The following SHISA6 variants were observed in gnomAD, a reference collection of about 807,000 sequenced individuals.
The protein encoded by SHISA6 is shisa family member 6.
SHISA6 carries 22 observed loss-of-function variants against 47.9 expected under a neutral mutation model. The observed-to-expected ratio is 0.46, with a 90% CI of 0.33 to 0.66. The LOEUF (loss-of-function observed/expected upper bound fraction) is 0.66, where lower values mean the gene tolerates loss of function less well. SHISA6 is among the 30% of genes least tolerant of loss of function. The pLI is 0.02. For synonymous variants in SHISA6, 388 were observed against 337.8 expected, an observed-to-expected ratio of 1.15 and a Z score of -1.63; for missense variants, 680 against 764.6, an observed-to-expected ratio of 0.89 and a Z score of 1.30.
intron 2 of SHISA6, among the ~76,000 whole-genome samples, chr17:11,342,669 C>T (rs1170737652): frequency 1.3e-5 from 2 of 152,208 alleles, no homozygotes; most frequent in East Asian, 3.8e-4. Flanking sequence ...CCAACCCCTC[C>T]TTTTGCATAG....
In SHISA6 at chr17:11,562,206, G is replaced by A. The variant is rs117830252; in HGVS notation, c.*3902G>A. The A allele has an allele frequency of 0.016, 2,391 of 152,052 alleles. 31 individuals carry two copies. Among genetic ancestry groups the A allele is most frequent in the Non-Finnish European group, 0.023 (1,596 of 68,030 alleles). 9.4% of individuals were successfully genotyped at this position (152,052 alleles called of 1,614,324 possible). ...GAGGAATATCCATGCCAACATCCCT[G>A]CCATCAAACTCAATCCATTTTCTTC... On this transcript the variant is annotated 3_prime_UTR_variant, in exon 6 of 6. Coordinates refer to ENST00000441885, the MANE Select transcript of SHISA6 (RefSeq NM_207386.4).
intron 2 of SHISA6, among the ~76,000 whole-genome samples, chr17:11,361,254 T>C (rs1191669589): frequency 6.6e-6 from 1 of 152,208 alleles, no homozygotes; most frequent in Non-Finnish European, 1.5e-5. Flanking sequence ...ATACATTGTT[T>C]TCATTAGACT....
intron 3 of SHISA6, among the ~76,000 whole-genome samples, chr17:11,490,210 C>T (rs1049704815): frequency 1.3e-5 from 2 of 152,092 alleles, no homozygotes; most frequent in East Asian, 1.9e-4. Context: ...CTTGTAGATG[C>T]ATAGCGTGGG....
At chr17:11,296,515 A>G (rs1052022539) in intron 2 of SHISA6, among the ~76,000 whole-genome samples, 2 of 152,178 alleles carry the variant, frequency 1.3e-5, no homozygotes, top group Admixed American at 6.5e-5. Flanking sequence ...GTGCCATTTA[A>G]TGGAATAGAA....
At chr17:11,544,961 C>CAA (rs374571214) in intron 3 of SHISA6, among the ~76,000 whole-genome samples, 1,245 of 62,518 alleles carry the variant, frequency 0.02, 26 homozygotes, top group African/African-American at 0.063. Flanking sequence ...ACTCTCTCTC[C>CAA]AAAAAAAAAA....
At chr17:11,541,747 C>T (rs2071835767) in intron 3 of SHISA6, among the ~76,000 whole-genome samples, 1 of 152,114 alleles carries the variant, frequency 6.6e-6, no homozygotes, top group South Asian at 2.1e-4. Context: ...TGCCTTTAAG[C>T]TACCCAGGGA....
intron 3 of SHISA6, among the ~76,000 whole-genome samples, chr17:11,464,587 TCA>T (rs1347386262): frequency 6.6e-6 from 1 of 152,144 alleles, no homozygotes; most frequent in East Asian, 1.9e-4. Context: ...CCAAGCAAGC[TCA>T]GAGTTCCACG....
Position 11,423,328 on chromosome 17 carries a change from TAGATAGATAGATAG to T in SHISA6, c.895+43821_895+43834del, listed in dbSNP as rs1408476405. On this transcript the variant is annotated intron_variant, in intron 3 of 5. Coordinates refer to ENST00000441885, the MANE Select transcript of SHISA6 (RefSeq NM_207386.4). ...TCTATATATGCCTGTAACATATATA[TAGATAGATAGATAG>T]ATAGATAGATAGATAGATAGATAGA... Among the ~76,000 whole-genome samples, 74 of 21,916 alleles carry T rather than the reference TAGATAGATAGATAG, an allele frequency of 3.4e-3. No individual in the cohort carries two copies. The East Asian group carries it at 0.074, about 22-fold the overall frequency. The allele number at this position is 21,916 out of a possible 152,430, so 14.4% of individuals were successfully genotyped here.
chr17:11,473,951 C>A lies in SHISA6; in HGVS notation c.896-77945C>A, dbSNP rs1597537046. Reference sequence around the variant, plus strand: ...AGGCCCCAGTGTGTGTTGTCCCCCTCCCTTTGTCCATATGTTCTCATTGTT... The same window carrying A: ...AGGCCCCAGTGTGTGTTGTCCCCCTACCTTTGTCCATATGTTCTCATTGTT... On this transcript the variant is annotated intron_variant, in intron 3 of 5. Transcript: ENST00000441885. Among the ~76,000 whole-genome samples, 8 of 152,080 alleles carry A rather than the reference C, an allele frequency of 5.3e-5. No individual in the cohort carries two copies. In the Middle Eastern group the frequency reaches 0.014, roughly 259 times the overall value.
intron 3 of SHISA6, among the ~76,000 whole-genome samples, chr17:11,508,102 G>A (rs1567624750): frequency 6.6e-6 from 1 of 152,208 alleles, no homozygotes; most frequent in Non-Finnish European, 1.5e-5. Context: ...GGTTTTGGAG[G>A]CAGCAAGCTT....
At chr17:11,552,587 A>G (rs751546425) in intron 4 of SHISA6, among the ~76,000 whole-genome samples, 1 of 152,206 alleles carries the variant, frequency 6.6e-6, no homozygotes, top group Non-Finnish European at 1.5e-5. Context: ...TAAATTGCGA[A>G]TTATCAGTCA....
rs147640658 is a variant in SHISA6, at chr17:11,530,087, C to A, written c.896-21809C>A. Among the ~76,000 whole-genome samples the A allele has an allele frequency of 2.7e-3, 413 of 152,222 alleles. 1 individual carries two copies. Among genetic ancestry groups the A allele is most frequent in the Non-Finnish European group, 4.6e-3 (315 of 68,004 alleles). On this transcript the variant is annotated intron_variant, in intron 3 of 5. Coordinates refer to ENST00000441885, the MANE Select transcript of SHISA6 (RefSeq NM_207386.4). ...AGTACTGTCAATCGGAATCAGAATT[C>A]TAATTCAGCACATTTCTGACACCTT... is the stretch of plus-strand genomic sequence containing the variant.
intron 2 of SHISA6, among the ~76,000 whole-genome samples, chr17:11,300,612 G>C (rs867820945): frequency 6.6e-6 from 1 of 151,654 alleles, no homozygotes; most frequent in Non-Finnish European, 1.5e-5. Context: ...GCAAGCCTGT[G>C]TGCCCTTCTT....
At chr17:11,515,611 TG>T (rs967818359) in intron 3 of SHISA6, among the ~76,000 whole-genome samples, 20 of 152,106 alleles carry the variant, frequency 1.3e-4, no homozygotes, top group African/African-American at 4.6e-4. Context: ...CGAAGAGCTC[TG>T]GGGCACAGAG....
In SHISA6 at chr17:11,254,559, C is replaced by T. The variant is rs138349345; in HGVS notation, c.639-8807C>T. Among the ~76,000 whole-genome samples the T allele has an allele frequency of 1.5e-4, 23 of 152,312 alleles. No individual in the cohort carries two copies. In the East Asian group the frequency reaches 3.9e-3, roughly 26 times the overall value. ...GCATTTTAGTGACTCTCTCTTTTGGCACCACCTGCCCCTCCTCTCATGCAC... is the reference window on the plus strand; with the variant it reads ...GCATTTTAGTGACTCTCTCTTTTGGTACCACCTGCCCCTCCTCTCATGCAC... On this transcript the variant is annotated intron_variant, in intron 1 of 5. Transcript: ENST00000441885.
intron 2 of SHISA6, among the ~76,000 whole-genome samples, chr17:11,302,210 A>G (rs1344472742): frequency 6.6e-6 from 1 of 152,160 alleles, no homozygotes; most frequent in Non-Finnish European, 1.5e-5. Flanking sequence ...CTAGAGCTTA[A>G]CTTTAGGCCT....
Position 11,552,470 on chromosome 17 carries a change from T to C in SHISA6, c.952+518T>C, listed in dbSNP as rs73288821. 5.6e-3 allele frequency among the ~76,000 whole-genome samples: 852 copies of C among 152,334 alleles called. 5 individuals are homozygous for C. Among genetic ancestry groups the C allele is most frequent in the African/African-American group, 0.019 (800 of 41,576 alleles). ...GCATAGTGCCCAAGGGTTATAAAAC[T>C]ATGTTTCCCTCTTAGATTATAATAT... On this transcript the variant is annotated intron_variant, in intron 4 of 5. Coordinates refer to ENST00000441885, the MANE Select transcript of SHISA6 (RefSeq NM_207386.4).
intron 3 of SHISA6, among the ~76,000 whole-genome samples, chr17:11,496,548 G>C (rs1446086783): frequency 1.3e-5 from 2 of 152,056 alleles, no homozygotes; most frequent in African/African-American, 4.8e-5. Context: ...GACCAGCCTG[G>C]CCAACATGGT....
chr17:11,531,013 A>G (rs1452291562), intron 3 of SHISA6, among the ~76,000 whole-genome samples: 1 of 152,184 alleles, frequency 6.6e-6, no homozygotes, highest in African/African-American at 2.4e-5. Context: ...CAGTGGACCA[A>G]TAAAGTTTTT....
Sources: allele counts gnomAD v4.1 joint callset (sites outside exome capture counted in the v4.1 genomes callset), GRCh38; gene constraint gnomAD v4.1.1; transcripts MANE v1.5; gene names NCBI Gene and HGNC (gene_info 2026-07-23, HGNC 2026-07-21).